Variants in CLNK observed in about 807,000 individuals in gnomAD.
The protein encoded by CLNK is cytokine-dependent hematopoietic cell linker.
CLNK carries 74 observed loss-of-function variants against 68.6 expected under a neutral mutation model. That is an observed-to-expected ratio of 1.08 (90% confidence interval 0.89 to 1.31). The LOEUF (loss-of-function observed/expected upper bound fraction) is 1.31. CLNK is among the 50% of genes most tolerant of loss of function. The probability of loss-of-function intolerance (pLI) is 0.00; values close to 1 mark genes in which losing one functional copy is unlikely to be tolerated. For missense variants in CLNK, 553 were observed against 515.3 expected, an observed-to-expected ratio of 1.07 and a Z score of -0.71; for synonymous variants, 198 against 172.2, an observed-to-expected ratio of 1.15 and a Z score of -1.17.
chr4:10,537,706 C>CCTTTCTTT lies in CLNK; in HGVS notation c.602+2780_602+2787dup, dbSNP rs752656552. ...TCCTTCCTTCCTTCCTTCCTTCCTT[C>CCTTTCTTT]CTTTCTTTCTTTCTTTCTTTCTTTC... On this transcript the variant is annotated intron_variant, in intron 11 of 18. Coordinates refer to ENST00000226951, the MANE Select transcript of CLNK (RefSeq NM_052964.4). Among the ~76,000 whole-genome samples the CCTTTCTTT allele has an allele frequency of 1.5e-3, 20 of 13,404 alleles. 2 individuals carry two copies. The highest frequency in any genetic ancestry group is 3.7e-3 in the East Asian group (3 of 814). 8.8% of individuals were successfully genotyped at this position (13,404 alleles called of 152,430 possible).
At chr4:10,646,761 C>A (rs1286789968) in intron 2 of CLNK, among the ~76,000 whole-genome samples, 1 of 152,030 alleles carries the variant, frequency 6.6e-6, no homozygotes, top group Non-Finnish European at 1.5e-5. Context: ...CGCAGGAGAG[C>A]AAACACCCAC....
chr4:10,589,905 C>T (rs900852419), intron 3 of CLNK, among the ~76,000 whole-genome samples: 1 of 152,206 alleles, frequency 6.6e-6, no homozygotes, highest in African/African-American at 2.4e-5. Flanking sequence ...TACAAGGATG[C>T]ACCCTGGCTG....
chr4:10,648,997 G>T (rs1383761939), intron 2 of CLNK, among the ~76,000 whole-genome samples: 2 of 152,098 alleles, frequency 1.3e-5, no homozygotes, highest in Middle Eastern at 3.2e-3. Flanking sequence ...TAATGTATTT[G>T]AATAGGAAGA....
chr4:10,635,384 C>A (rs901376534), intron 2 of CLNK, among the ~76,000 whole-genome samples: 2 of 152,146 alleles, frequency 1.3e-5, no homozygotes, highest in Non-Finnish European at 2.9e-5. Flanking sequence ...CTGATCGACC[C>A]TGTCCACCTC....
chr4:10,497,563 G>A (rs1213831466), intron 18 of CLNK, among the ~76,000 whole-genome samples: 1 of 152,218 alleles, frequency 6.6e-6, no homozygotes, highest in Middle Eastern at 3.2e-3. Context: ...CCTGCCATAG[G>A]AGATGCTCCT....
At chr4:10,677,595 G>C (rs913820571) in intron 1 of CLNK, among the ~76,000 whole-genome samples, 5 of 151,990 alleles carry the variant, frequency 3.3e-5, no homozygotes, top group Non-Finnish European at 7.4e-5. Flanking sequence ...TCTTGTGATA[G>C]TGGGTGAGTT....
At chr4:10,561,928 C>G (rs922162798) in intron 7 of CLNK, among the ~76,000 whole-genome samples, 2 of 151,936 alleles carry the variant, frequency 1.3e-5, no homozygotes, top group Non-Finnish European at 2.9e-5. Context: ...TTCATTTAAC[C>G]AATATCTATG....
intron 4 of CLNK, among the ~76,000 whole-genome samples, chr4:10,584,613 A>G (rs766502972): frequency 6.6e-6 from 1 of 152,154 alleles, no homozygotes; most frequent in Non-Finnish European, 1.5e-5. Flanking sequence ...TCACCATAAG[A>G]CTGGCACTGA....
At chr4:10,694,995 G>A in the CLNK span, among the ~76,000 whole-genome samples, 6 of 152,224 alleles carry the variant, frequency 3.9e-5, no homozygotes, top group South Asian at 1.2e-3. Flanking sequence ...ACTCACGGAA[G>A]TAGAGAGTAG....
intron 7 of CLNK, among the ~76,000 whole-genome samples, chr4:10,560,175 T>G (rs1383010903): frequency 6.6e-6 from 1 of 152,198 alleles, no homozygotes; most frequent in Non-Finnish European, 1.5e-5. Context: ...TGTGTTTACC[T>G]CCATCTGACC....
At chr4:10,641,808 T>C (rs1354137605) in intron 2 of CLNK, among the ~76,000 whole-genome samples, 1 of 151,896 alleles carries the variant, frequency 6.6e-6, no homozygotes, top group Non-Finnish European at 1.5e-5. Context: ...GGGACCCGGT[T>C]GGAGATAATT....
At chr4:10,668,956 G>C (rs1490964035) in intron 1 of CLNK, among the ~76,000 whole-genome samples, 1 of 152,174 alleles carries the variant, frequency 6.6e-6, no homozygotes, top group African/African-American at 2.4e-5. Context: ...ATAGGGTAGA[G>C]AGTGGGTTTT....
intron 1 of CLNK, among the ~76,000 whole-genome samples, chr4:10,669,103 G>A (rs61796842): frequency 0.04 from 6,157 of 152,144 alleles, 184 homozygotes; most frequent in Middle Eastern, 0.099. Context: ...CTGAGCCTTC[G>A]GCATTTTTAG....
intron 11 of CLNK, among the ~76,000 whole-genome samples, chr4:10,535,687 T>TA (rs1718732971): frequency 6.6e-6 from 1 of 152,226 alleles, no homozygotes; most frequent in Non-Finnish European, 1.5e-5. Flanking sequence ...CAGTGGTTAG[T>TA]AGATATGAAA....
At chr4:10,648,941 G>A (rs906280154) in intron 2 of CLNK, among the ~76,000 whole-genome samples, 2 of 152,076 alleles carry the variant, frequency 1.3e-5, no homozygotes, top group African/African-American at 4.8e-5. Flanking sequence ...TTAATATATA[G>A]ATTAGCCCTT....
chr4:10,730,679 G>A, the CLNK span, among the ~76,000 whole-genome samples: 24 of 152,184 alleles, frequency 1.6e-4, no homozygotes, highest in South Asian at 2.1e-4. Flanking sequence ...GATCAAAATC[G>A]TACATGCCTC....
chr4:10,606,471 A>G (rs532782906), intron 2 of CLNK, among the ~76,000 whole-genome samples: 1 of 152,176 alleles, frequency 6.6e-6, no homozygotes, highest in Non-Finnish European at 1.5e-5. Context: ...ACACTCTAAA[A>G]TAACAATAAA....
At chr4:10,585,067 G>T in intron 3 of CLNK, 112 bp from the exon 4 acceptor site, 1 of 1,011,776 alleles carries the variant, frequency 9.9e-7, no homozygotes, top group Non-Finnish European at 1.5e-6. Context: ...AGCCTCTGAA[G>T]CTGCTTTATG....
chr4:10,571,785 A>C lies in CLNK; in HGVS notation c.113-7T>G. Reference sequence around the variant, plus strand: ...TTCATCCTCTGGTACTGGCCTGCCAACACAAACAGACCGAGTGTTATTTTA... The same window carrying C: ...TTCATCCTCTGGTACTGGCCTGCCACCACAAACAGACCGAGTGTTATTTTA... On this transcript the variant is annotated splice_polypyrimidine_tract_variant and splice_region_variant and intron_variant, in intron 4 of 18. Transcript: ENST00000226951. 6.2e-7 allele frequency: 1 copy of C among 1,611,702 alleles called. No individual in the cohort carries two copies. The highest frequency in any genetic ancestry group is 8.5e-7 in the Non-Finnish European group (1 of 1,177,992).
Sources: allele counts gnomAD v4.1 joint callset (sites outside exome capture counted in the v4.1 genomes callset), GRCh38; gene constraint gnomAD v4.1.1; transcripts MANE v1.5; gene names NCBI Gene and HGNC (gene_info 2026-07-23, HGNC 2026-07-21).